Variants in PCDH15 observed in about 807,000 individuals in gnomAD.
PCDH15 encodes the protein protocadherin related 15, also known as protocadherin-15.
PCDH15 carries 129 observed loss-of-function variants against 178.5 expected under a neutral mutation model. That is an observed-to-expected ratio of 0.72 (90% CI 0.63 to 0.84). The LOEUF (loss-of-function observed/expected upper bound fraction) is 0.84. Among genes scored for constraint, PCDH15 ranks in the 40% least tolerant of loss-of-function variants. PCDH15 has a pLI of 0.00. For missense variants in PCDH15, 2,230 were observed against 2,099.9 expected (o/e 1.06, Z -1.21); for synonymous variants, 800 against 732.0 (o/e 1.09, Z -1.50).
chr10:54,753,673 T>A (rs569026837), intron 1 of PCDH15, among the ~76,000 whole-genome samples: 1 of 152,244 alleles, frequency 6.6e-6, no homozygotes, highest in South Asian at 2.1e-4. Context: ...TATGTGAAAA[T>A]GGTCTGAAAA....
chr10:55,552,371 T>A (rs1172164020), intron 2 of PCDH15, among the ~76,000 whole-genome samples: 4 of 151,662 alleles, frequency 2.6e-5, no homozygotes, highest in African/African-American at 9.7e-5. Context: ...AATCTTTAAA[T>A]AAATCTTAAA....
At chr10:54,393,738 C>T (rs1950840071) in intron 3 of PCDH15, among the ~76,000 whole-genome samples, 1 of 152,182 alleles carries the variant, frequency 6.6e-6, no homozygotes, top group African/African-American at 2.4e-5. Flanking sequence ...CTTCATCTAT[C>T]TTGCCTCATA....
chr10:55,277,915 CA>C (rs781373382), intron 1 of PCDH15, among the ~76,000 whole-genome samples: 1 of 152,010 alleles, frequency 6.6e-6, no homozygotes, highest in Non-Finnish European at 1.5e-5. Context: ...TCCCCACTGC[CA>C]ATGTCTCAGG....
chr10:55,454,572 T>C (rs60982139), intron 2 of PCDH15, among the ~76,000 whole-genome samples: 6,265 of 149,024 alleles, frequency 0.042, 409 homozygotes, highest in African/African-American at 0.15. Flanking sequence ...GATCAGGAGA[T>C]CGAGATCATC....
chr10:53,822,965 T>A, intron 32 of PCDH15: 1 of 1,614,120 alleles, frequency 6.2e-7, no homozygotes, highest in South Asian at 1.1e-5. Flanking sequence ...TATTTGGAAC[T>A]TTCCTCATCA....
In PCDH15 at chr10:55,113,414, T is replaced by TA. The variant is rs937325132; in HGVS notation, c.-80+53161dup. On this transcript the variant is annotated intron_variant, in intron 2 of 5. Coordinates refer to the PCDH15 transcript ENST00000458638. ...AGGTTTTTACATGCAAGTTCCATGC[T>TA]AAAAAAAAAAAAGGAAGAATTATAT... 4.9e-3 allele frequency among the ~76,000 whole-genome samples: 680 copies of TA among 139,110 alleles called. 3 individuals are homozygous for TA. Among genetic ancestry groups the TA allele is most frequent in the African/African-American group, 0.01 (382 of 38,082 alleles). 91.3% of individuals were successfully genotyped at this position (139,110 alleles called of 152,430 possible). A position where few individuals can be genotyped will look rare whatever the true frequency, so the allele number is the denominator to read the frequency against.
chr10:54,462,939 A>G (rs969565186), intron 3 of PCDH15, among the ~76,000 whole-genome samples: 4 of 151,996 alleles, frequency 2.6e-5, no homozygotes, highest in African/African-American at 7.2e-5. Flanking sequence ...TTCATAAAAC[A>G]CTAAAAATGT....
At chr10:55,448,689 A>C in intron 2 of PCDH15, among the ~76,000 whole-genome samples, 1 of 152,042 alleles carries the variant, frequency 6.6e-6, no homozygotes, top group East Asian at 1.9e-4. Flanking sequence ...ATATATTAAT[A>C]ATCATGATTA....
At chr10:54,182,710 A>C (rs1356152902) in intron 13 of PCDH15, among the ~76,000 whole-genome samples, 1 of 152,146 alleles carries the variant, frequency 6.6e-6, no homozygotes, top group African/African-American at 2.4e-5. Context: ...ATCTAGTGGG[A>C]TTATGCATCA....
intron 8 of PCDH15, among the ~76,000 whole-genome samples, chr10:54,295,840 T>A (rs910882689): frequency 1.3e-5 from 2 of 152,016 alleles, no homozygotes; most frequent in East Asian, 3.9e-4. Context: ...CGGGCACCTG[T>A]CGGTCAGTTA....
chr10:54,969,986 C>A (rs1247178663), intron 2 of PCDH15, among the ~76,000 whole-genome samples: 2 of 152,114 alleles, frequency 1.3e-5, no homozygotes, highest in East Asian at 3.9e-4. Flanking sequence ...ATACTTGTGT[C>A]CCTCCAAAAT....
chr10:54,415,532 T>C (rs1954213289), intron 3 of PCDH15, among the ~76,000 whole-genome samples: 1 of 152,122 alleles, frequency 6.6e-6, no homozygotes, highest in Non-Finnish European at 1.5e-5. Context: ...AATGGGATTA[T>C]TTGAAAGTAA....
At chr10:55,559,597 A>G (rs1032310186) in intron 2 of PCDH15, among the ~76,000 whole-genome samples, 1 of 152,008 alleles carries the variant, frequency 6.6e-6, no homozygotes, top group Non-Finnish European at 1.5e-5. Flanking sequence ...TACTAGTTTT[A>G]AAGTAGACCA....
chr10:54,364,454 T>C (rs1414927964), intron 5 of PCDH15, among the ~76,000 whole-genome samples: 1 of 152,166 alleles, frequency 6.6e-6, no homozygotes, highest in East Asian at 1.9e-4. Context: ...GTGGGGGACA[T>C]GTTGATACAT....
rs190896200 is a variant in PCDH15 at position 54,302,616 on chromosome 10, C to T, written c.876+14655G>A. Among the ~76,000 whole-genome samples the T allele has an allele frequency of 1.6e-3, 238 of 152,234 alleles. 1 individual carries two copies. The highest frequency in any genetic ancestry group is 3.4e-3 in the African/African-American group (143 of 41,536). Reference sequence around the variant, plus strand: ...TGGTGCCTTTATCTTAGAATGCCAACCTCCAGAACTGTCAGAAATAAATTT... The same window carrying T: ...TGGTGCCTTTATCTTAGAATGCCAATCTCCAGAACTGTCAGAAATAAATTT... On this transcript the variant is annotated intron_variant, in intron 8 of 37. Transcript: ENST00000644397.
chr10:54,862,810 C>T (rs1000324793), intron 3 of PCDH15, among the ~76,000 whole-genome samples: 3 of 152,144 alleles, frequency 2.0e-5, no homozygotes, highest in Non-Finnish European at 4.4e-5. Context: ...ATGAGGCCAT[C>T]GCCAGATGGA....
chr10:54,842,187 T>C (rs907376814), intron 3 of PCDH15, among the ~76,000 whole-genome samples: 1 of 144,372 alleles, frequency 6.9e-6, no homozygotes, highest in Admixed American at 6.8e-5. Context: ...TGTGTGCGTG[T>C]GTGTGTGTGT....
At chr10:54,060,643 C>T (rs1698205253) in intron 18 of PCDH15, among the ~76,000 whole-genome samples, 1 of 152,058 alleles carries the variant, frequency 6.6e-6, no homozygotes, top group Admixed American at 6.6e-5. Context: ...ATTAGTTATC[C>T]AAGATTGCAT....
intron 2 of PCDH15, among the ~76,000 whole-genome samples, chr10:55,447,950 T>C (rs1056823859): frequency 1.3e-5 from 2 of 151,904 alleles, no homozygotes; most frequent in Non-Finnish European, 2.9e-5. Context: ...ACACACACAG[T>C]AGCTTCCAAG....
Sources: allele counts gnomAD v4.1 joint callset (sites outside exome capture counted in the v4.1 genomes callset), GRCh38; gene constraint gnomAD v4.1.1; transcripts MANE v1.5; gene names NCBI Gene and HGNC (gene_info 2026-07-23, HGNC 2026-07-21).